The following USP3 variants were observed in gnomAD, a reference collection of about 807,000 sequenced individuals.
USP3 encodes ubiquitin carboxyl-terminal hydrolase 3.
USP3 carries 20 observed loss-of-function variants against 72.3 expected under a neutral mutation model. The ratio of observed to expected loss-of-function variants is 0.28; its 90% CI spans 0.19 to 0.40. The LOEUF is 0.40. Among genes scored for constraint, USP3 ranks in the 10% least tolerant of loss-of-function variants. The pLI is 1.00. For synonymous variants in USP3, 222 were observed against 225.3 expected (o/e 0.99, Z 0.13); for missense variants, 479 against 633.9 (o/e 0.76, Z 2.62).
chr15:63,573,503 T>C (rs2066812888), intron 9 of USP3, among the ~76,000 whole-genome samples: 1 of 152,264 alleles, frequency 6.6e-6, no homozygotes, highest in Non-Finnish European at 1.5e-5. Flanking sequence ...TTTTCAATTG[T>C]GAAGTCTTAC....
intron 11 of USP3, among the ~76,000 whole-genome samples, chr15:63,587,364 T>C (rs1342873510): frequency 1.3e-5 from 2 of 151,792 alleles, no homozygotes; most frequent in Non-Finnish European, 2.9e-5. Context: ...TATAGATTTA[T>C]GAATATCTGA....
chr15:63,531,889 A>G (rs555619054), intron 1 of USP3, among the ~76,000 whole-genome samples: 105 of 152,268 alleles, frequency 6.9e-4, no homozygotes, highest in Middle Eastern at 3.4e-3. Context: ...TTCCTTCCCC[A>G]CGCCAATGTA....
chr15:63,518,277 G>A (rs1254416943), intron 1 of USP3, among the ~76,000 whole-genome samples: 1 of 152,158 alleles, frequency 6.6e-6, no homozygotes, highest in Non-Finnish European at 1.5e-5. Flanking sequence ...CAGGGGGTTC[G>A]ACCTTGCTTG....
intron 1 of USP3, among the ~76,000 whole-genome samples, chr15:63,521,918 C>T (rs2065925436): frequency 6.6e-6 from 1 of 152,230 alleles, no homozygotes; most frequent in Non-Finnish European, 1.5e-5. Flanking sequence ...ATCTTGGATT[C>T]CCAGATGCTG....
At position 63,593,417 on chromosome 15, in the gene USP3, C is replaced by G. The variant is rs551741472; in HGVS notation, c.*2591C>G. ...ATTGATACTTCGATCTTCAGTCTCT[C>G]TGAATGGGCAGCTGTTAAACAGTAA... On this transcript the variant is annotated 3_prime_UTR_variant, in exon 15 of 15. Transcript: ENST00000380324. The G allele has an allele frequency of 6.6e-6, 1 of 152,300 alleles. No homozygotes were observed. Among genetic ancestry groups the G allele is most frequent in the East Asian group, 1.9e-4 (1 of 5,194 alleles). 9.4% of individuals were successfully genotyped at this position (152,300 alleles called of 1,614,324 possible). A position where few individuals can be genotyped will look rare whatever the true frequency, so the allele number is the denominator to read the frequency against.
intron 2 of USP3, among the ~76,000 whole-genome samples, chr15:63,534,434 AT>A (rs34916758): frequency 0.029 from 4,454 of 152,132 alleles, 150 homozygotes; most frequent in East Asian, 0.19. Context: ...CATTTAAGTT[AT>A]TTTTCAAATT....
intron 8 of USP3, among the ~76,000 whole-genome samples, chr15:63,563,964 A>G (rs1014996092): frequency 5.3e-5 from 8 of 152,114 alleles, no homozygotes; most frequent in African/African-American, 1.9e-4. Context: ...TTTGAAAGAA[A>G]CTCCTTTTAT....
intron 1 of USP3, chr15:63,527,764 A>G (rs187014784): frequency 6.6e-6 from 1 of 152,380 alleles, no homozygotes; most frequent in Non-Finnish European, 1.5e-5. Context: ...GTCTCTCTTG[A>G]TAAAGGGCCA....
intron 11 of USP3, among the ~76,000 whole-genome samples, chr15:63,582,158 G>A (rs960481660): frequency 2.6e-5 from 4 of 152,166 alleles, no homozygotes; most frequent in African/African-American, 4.8e-5. Context: ...TTTTAGGGCC[G>A]GGTATGGTGG....
rs58146448 is a variant in USP3, at chr15:63,511,953, C to CTTT, written c.91+7142_91+7144dup. On this transcript the variant is annotated intron_variant, in intron 1 of 14. Transcript: ENST00000380324. The stretch of plus-strand genomic sequence containing the variant: ...AAAACTAAAACTAGTAACTGCAGAT[C>CTTT]TTTTTTTTTTTTTTTTTTTTTGAGA... Among the ~76,000 whole-genome samples the CTTT allele has an allele frequency of 2.8e-3, 309 of 112,234 alleles. 15 individuals are homozygous for CTTT. Among genetic ancestry groups the CTTT allele is most frequent in the African/African-American group, 7.3e-3 (218 of 29,696 alleles). The allele number at this position is 112,234 out of a possible 152,430, so 73.6% of individuals were successfully genotyped here. A position where few individuals can be genotyped will look rare whatever the true frequency, so the allele number is the denominator to read the frequency against.
chr15:63,552,613 A>T (rs1212936038), intron 3 of USP3, among the ~76,000 whole-genome samples: 1 of 152,176 alleles, frequency 6.6e-6, no homozygotes, highest in Admixed American at 6.5e-5. Flanking sequence ...TTACATATAT[A>T]ACATTGTAGT....
chr15:63,568,198 A>C (rs772503002), intron 8 of USP3, among the ~76,000 whole-genome samples: 4 of 151,924 alleles, frequency 2.6e-5, no homozygotes, highest in Non-Finnish European at 5.9e-5. Context: ...CCAAAAATAC[A>C]AAAATTAGCT....
intron 11 of USP3, among the ~76,000 whole-genome samples, chr15:63,577,195 T>C (rs2066878268): frequency 6.6e-6 from 1 of 152,248 alleles, no homozygotes. Flanking sequence ...ATCTCACTTA[T>C]ATTATAGATC....
At position 63,553,422 on chromosome 15, in the gene USP3, C is replaced by T; in HGVS notation, c.285-293C>T. On this transcript the variant is annotated intron_variant, in intron 3 of 14. Coordinates refer to ENST00000380324, the MANE Select transcript of USP3 (RefSeq NM_006537.4). This position sits in a 1 kb window ranked among gnomAD's most constrained non-coding sequence, Gnocchi z 4.2. ...ATTTCATTTTCCATGTATTAGGCAC[C>T]ACTAAAAAGAATGTAACACATGTAG... 1 of 212,008 alleles carries T rather than the reference C, an allele frequency of 4.7e-6. No individual in the cohort carries two copies. The highest frequency in any genetic ancestry group is 9.3e-6 in the Non-Finnish European group (1 of 107,702). 13.1% of individuals were successfully genotyped at this position (212,008 alleles called of 1,614,324 possible). A position where few individuals can be genotyped will look rare whatever the true frequency, so the allele number is the denominator to read the frequency against.
chr15:63,548,244 C>A (rs1034625102), intron 3 of USP3, among the ~76,000 whole-genome samples: 3 of 152,074 alleles, frequency 2.0e-5, no homozygotes, highest in Admixed American at 2.0e-4. Flanking sequence ...ATCTTCCCAC[C>A]TCAGCCTCCC....
chr15:63,570,589 AG>A lies in USP3; in HGVS notation c.908+11del. Reference sequence around the variant, plus strand: ...GTAACAAGTGTTGCATGTAAGATTTAGTTGCCTTCTGTTTTTTAGGAGGGCC... The same window carrying A: ...GTAACAAGTGTTGCATGTAAGATTTATTGCCTTCTGTTTTTTAGGAGGGCC... On this transcript the variant is annotated intron_variant, in intron 9 of 14. Coordinates refer to ENST00000380324, the MANE Select transcript of USP3 (RefSeq NM_006537.4). The surrounding 1 kb of genome is among the most constrained non-coding windows in gnomAD (Gnocchi z 4.4). 6.2e-7 allele frequency: 1 copy of A among 1,600,022 alleles called. No individual in the cohort carries two copies. Among genetic ancestry groups the A allele is most frequent in the Non-Finnish European group, 8.5e-7 (1 of 1,173,142 alleles).
At position 63,553,979 on chromosome 15, in the gene USP3, T is replaced by C. The variant is rs7166997; in HGVS notation, c.368+181T>C. On this transcript the variant is annotated intron_variant, in intron 4 of 14. Transcript: ENST00000380324. The surrounding 1 kb of genome is among the most constrained non-coding windows in gnomAD (Gnocchi z 4.2). ...AAACTTGGCCCATAGTTAATGGTCA[T>C]AGCTGTGCATTTATTTTATTTAATA... Among the ~76,000 whole-genome samples, 17,943 of 152,184 alleles carry C rather than the reference T, an allele frequency of 0.12. 1,395 individuals carry two copies. Among genetic ancestry groups the C allele is most frequent in the African/African-American group, 0.22 (9,256 of 41,506 alleles).
intron 5 of USP3, chr15:63,557,088 T>TG (rs1162291816): frequency 1.1e-5 from 2 of 175,224 alleles, no homozygotes; most frequent in Admixed American, 1.2e-4. Flanking sequence ...TTCCTTTTTT[T>TG]GAGATGGAGT....
chr15:63,582,766 GAGA>G (rs1219084644), intron 11 of USP3, among the ~76,000 whole-genome samples: 2 of 152,200 alleles, frequency 1.3e-5, no homozygotes, highest in African/African-American at 2.4e-5. Context: ...TTGCATTGGA[GAGA>G]AGATGAGGAC....
Sources: allele counts gnomAD v4.1 joint callset (sites outside exome capture counted in the v4.1 genomes callset), GRCh38; gene constraint gnomAD v4.1.1; non-coding constraint Gnocchi (gnomAD v3.1); transcripts MANE v1.5; gene names NCBI Gene and HGNC (gene_info 2026-07-23, HGNC 2026-07-21).